Variants in FBXO4 observed in about 807,000 individuals in gnomAD.
The protein encoded by FBXO4 is F-box protein 4, also known as F-box only protein 4.
In FBXO4, 36 loss-of-function variants were observed where a neutral mutation model predicts 43.7. The ratio of observed to expected loss-of-function variants is 0.82; its 90% CI spans 0.63 to 1.09. FBXO4 has a LOEUF of 1.09. Among genes scored for constraint, FBXO4 ranks in the 50% least tolerant of loss-of-function variants. The pLI is 0.00. For synonymous variants in FBXO4, 180 were observed against 165.6 expected (o/e 1.09, Z -0.67); for missense variants, 435 against 474.1 (o/e 0.92, Z 0.77).
the FBXO4 span, among the ~76,000 whole-genome samples, chr5:41,968,730 C>T: frequency 6.6e-6 from 1 of 151,660 alleles, no homozygotes; most frequent in South Asian, 2.1e-4. Flanking sequence ...TGTTACATAC[C>T]GAAATTTAAG....
chr5:42,032,301 A>G, the FBXO4 span, among the ~76,000 whole-genome samples: 3 of 152,114 alleles, frequency 2.0e-5, no homozygotes, highest in Non-Finnish European at 2.9e-5. Flanking sequence ...AGGAAGGCCT[A>G]TGTCCTCCCC....
the FBXO4 span, among the ~76,000 whole-genome samples, chr5:42,009,162 C>T: frequency 6.6e-6 from 1 of 152,088 alleles, no homozygotes; most frequent in Admixed American, 6.6e-5. Context: ...ATGAAGACTG[C>T]AGTATTTCTA....
chr5:41,995,679 G>A, the FBXO4 span, among the ~76,000 whole-genome samples: 5 of 152,182 alleles, frequency 3.3e-5, no homozygotes, highest in East Asian at 3.8e-4. Flanking sequence ...CCATTGATGA[G>A]TACTCACATG....
chr5:42,028,482 GCTCTATGAC>G, the FBXO4 span, among the ~76,000 whole-genome samples: 1 of 151,508 alleles, frequency 6.6e-6, no homozygotes, highest in South Asian at 2.1e-4. Context: ...CCATTCAGCT[GCTCTATGAC>G]CTCTTATTGG....
chr5:41,966,074 G>A, the FBXO4 span, among the ~76,000 whole-genome samples: 4 of 151,964 alleles, frequency 2.6e-5, no homozygotes, highest in Non-Finnish European at 4.4e-5. Flanking sequence ...GCATATTCTC[G>A]CTCATAGGTG....
chr5:41,975,638 A>G, the FBXO4 span, among the ~76,000 whole-genome samples: 3 of 152,340 alleles, frequency 2.0e-5, no homozygotes, highest in East Asian at 5.8e-4. Flanking sequence ...CACTATACTA[A>G]ACTACTTTTA....
At chr5:41,955,341 C>G in the FBXO4 span, among the ~76,000 whole-genome samples, 1 of 152,040 alleles carries the variant, frequency 6.6e-6, no homozygotes, top group Non-Finnish European at 1.5e-5. Context: ...AAGAATGATA[C>G]AAAGATTTCT....
At chr5:41,937,856 T>A (rs1376848251) in intron 5 of FBXO4, among the ~76,000 whole-genome samples, 1 of 152,126 alleles carries the variant, frequency 6.6e-6, no homozygotes, top group Non-Finnish European at 1.5e-5. Context: ...AATGGCAATA[T>A]TAATCTACTT....
chr5:42,025,791 A>T, the FBXO4 span, among the ~76,000 whole-genome samples: 1 of 151,950 alleles, frequency 6.6e-6, no homozygotes, highest in South Asian at 2.1e-4. Flanking sequence ...CTATTTATTG[A>T]AGAGACTGTC....
the FBXO4 span, among the ~76,000 whole-genome samples, chr5:42,034,062 G>T: frequency 6.6e-6 from 1 of 152,132 alleles, no homozygotes; most frequent in African/African-American, 2.4e-5. Flanking sequence ...CATTCTGACT[G>T]GTATAAGATG....
chr5:42,028,914 T>C, the FBXO4 span, among the ~76,000 whole-genome samples: 1 of 151,908 alleles, frequency 6.6e-6, no homozygotes, highest in Non-Finnish European at 1.5e-5. Context: ...TCTTGAAAAG[T>C]TGTTGTAGTC....
At chr5:41,994,049 C>T in the FBXO4 span, among the ~76,000 whole-genome samples, 1 of 152,140 alleles carries the variant, frequency 6.6e-6, no homozygotes, top group Non-Finnish European at 1.5e-5. Context: ...TTAACCATCA[C>T]AAGTCCACTC....
chr5:41,984,599 C>T, the FBXO4 span, among the ~76,000 whole-genome samples: 4 of 152,172 alleles, frequency 2.6e-5, no homozygotes, highest in African/African-American at 9.7e-5. Context: ...TACTTTTCTT[C>T]CCTTGTTTTC....
At chr5:41,943,960 G>A (rs1329085020), downstream of FBXO4, among the ~76,000 whole-genome samples, 1 of 152,128 alleles carries the variant, frequency 6.6e-6, no homozygotes, top group Non-Finnish European at 1.5e-5. Flanking sequence ...GTGAGAAGGT[G>A]GCCATCTGCA....
the FBXO4 span, among the ~76,000 whole-genome samples, chr5:41,999,489 A>G: frequency 2.0e-5 from 2 of 98,094 alleles, no homozygotes; most frequent in Non-Finnish European, 3.8e-5. Flanking sequence ...ACATATATAT[A>G]TATACATATA....
chr5:41,957,551 T>G, the FBXO4 span, among the ~76,000 whole-genome samples: 1 of 150,824 alleles, frequency 6.6e-6, no homozygotes, highest in Admixed American at 6.6e-5. Flanking sequence ...ATCAACATAA[T>G]TATGTATCTA....
the FBXO4 span, among the ~76,000 whole-genome samples, chr5:42,004,904 C>T: frequency 1.1e-4 from 16 of 152,082 alleles, no homozygotes; most frequent in African/African-American, 3.4e-4. Flanking sequence ...GTTTTTCATC[C>T]TCTTCATCTT....
chr5:42,038,498 T>C, the FBXO4 span, among the ~76,000 whole-genome samples: 1 of 152,116 alleles, frequency 6.6e-6, no homozygotes, highest in African/African-American at 2.4e-5. Flanking sequence ...ACATGATAGT[T>C]GTATATGTTT....
the FBXO4 span, among the ~76,000 whole-genome samples, chr5:42,009,059 G>A: frequency 6.6e-6 from 1 of 152,116 alleles, no homozygotes; most frequent in East Asian, 1.9e-4. Flanking sequence ...CCTCATTCCC[G>A]CTAGACTTTC....
Sources: gnomAD v4.1 joint callset for allele counts (sites outside exome capture counted in the v4.1 genomes callset) on GRCh38, gnomAD v4.1.1 for gene constraint, MANE v1.5 for transcripts, NCBI Gene and HGNC (gene_info 2026-07-23, HGNC 2026-07-21) for gene names.